Variants in RIMS2 observed in about 807,000 individuals in gnomAD.
RIMS2 encodes regulating synaptic membrane exocytosis protein 2.
RIMS2 carries 59 observed loss-of-function variants against 174.4 expected under a neutral mutation model. The ratio of observed to expected loss-of-function variants is 0.34; its 90% CI spans 0.27 to 0.42. The LOEUF (loss-of-function observed/expected upper bound fraction) is 0.42, where lower values mean the gene tolerates loss of function less well. RIMS2 is among the 10% of genes least tolerant of loss of function. RIMS2 has a pLI of 1.00. For synonymous variants in RIMS2, 606 were observed against 572.5 expected (o/e 1.06, Z -0.84); for missense variants, 1,620 against 1,666.3 (o/e 0.97, Z 0.48).
chr8:103,910,351 G>C, intron 5 of RIMS2: 1 of 1,597,138 alleles, frequency 6.3e-7, no homozygotes, highest in East Asian at 2.2e-5. Flanking sequence ...AGAAAAACTA[G>C]TGAGCAGGCA....
chr8:103,582,799 T>G (rs1281009571), intron 1 of RIMS2, among the ~76,000 whole-genome samples: 2 of 152,064 alleles, frequency 1.3e-5, no homozygotes, highest in Non-Finnish European at 2.9e-5. Flanking sequence ...ACTTCTAAGG[T>G]TTTTGACTCT....
chr8:103,631,862 T>C (rs1002500369), intron 1 of RIMS2, among the ~76,000 whole-genome samples: 3 of 152,200 alleles, frequency 2.0e-5, no homozygotes, highest in Non-Finnish European at 2.9e-5. Flanking sequence ...TTAGCTGTAT[T>C]CTTAGGTATT....
chr8:103,586,442 G>A (rs920424575), intron 1 of RIMS2, among the ~76,000 whole-genome samples: 2 of 152,054 alleles, frequency 1.3e-5, no homozygotes, highest in African/African-American at 4.8e-5. Context: ...ATAACAGGAG[G>A]AATTTGGGAA....
intron 19 of RIMS2, among the ~76,000 whole-genome samples, chr8:104,196,274 T>C (rs1250586378): frequency 2.6e-5 from 4 of 152,170 alleles, no homozygotes; most frequent in Non-Finnish European, 5.9e-5. Flanking sequence ...TTCAACTTTT[T>C]ATATCCATTC....
chr8:103,662,144 A>G (rs1443369469), intron 1 of RIMS2, among the ~76,000 whole-genome samples: 1 of 152,128 alleles, frequency 6.6e-6, no homozygotes, highest in African/African-American at 2.4e-5. Context: ...AAGTTTACAG[A>G]TTTTTCTTGG....
intron 1 of RIMS2, among the ~76,000 whole-genome samples, chr8:103,553,962 G>A (rs1193198158): frequency 1.9e-4 from 3 of 15,582 alleles, no homozygotes; most frequent in Non-Finnish European, 3.1e-4. Flanking sequence ...AAGGACCCCC[G>A]TTCAATAAAT....
intron 5 of RIMS2, chr8:103,910,475 G>T: frequency 1.3e-6 from 2 of 1,597,592 alleles, no homozygotes; most frequent in South Asian, 1.1e-5. Context: ...AGGACTCTGG[G>T]GTAGATACGT....
chr8:103,606,427 G>C (rs940697842), intron 1 of RIMS2, among the ~76,000 whole-genome samples: 3 of 151,862 alleles, frequency 2.0e-5, no homozygotes, highest in South Asian at 2.1e-4. Context: ...CCAAGTATGT[G>C]GTCAATTTTG....
At chr8:104,197,877 A>AT (rs543911108) in intron 19 of RIMS2, among the ~76,000 whole-genome samples, 1 of 152,032 alleles carries the variant, frequency 6.6e-6, no homozygotes, top group Non-Finnish European at 1.5e-5. Context: ...TAGCCATCAC[A>AT]TTTTTTGTGT....
intron 2 of RIMS2, among the ~76,000 whole-genome samples, chr8:103,743,945 G>A (rs745953155): frequency 2.0e-5 from 3 of 152,096 alleles, no homozygotes; most frequent in Non-Finnish European, 2.9e-5. Flanking sequence ...CTATTAATAC[G>A]TTGAAGTACA....
intron 3 of RIMS2, among the ~76,000 whole-genome samples, chr8:103,787,919 A>T (rs1243355836): frequency 6.6e-6 from 1 of 152,114 alleles, no homozygotes; most frequent in Admixed American, 6.5e-5. Flanking sequence ...AATCAGACGT[A>T]GATTTGGTCT....
chr8:104,185,959 G>C (rs2098965785), intron 19 of RIMS2, among the ~76,000 whole-genome samples: 1 of 151,528 alleles, frequency 6.6e-6, no homozygotes, highest in Admixed American at 6.6e-5. Flanking sequence ...ATTTACAGTA[G>C]AAAAGATATA....
chr8:103,537,536 G>A (rs914981000), intron 1 of RIMS2, among the ~76,000 whole-genome samples: 2 of 152,048 alleles, frequency 1.3e-5, no homozygotes, highest in Non-Finnish European at 2.9e-5. Context: ...TGGGTTCTAA[G>A]CCTGGTTTTT....
At chr8:104,221,527 G>A (rs1341459367) in intron 19 of RIMS2, among the ~76,000 whole-genome samples, 1 of 152,096 alleles carries the variant, frequency 6.6e-6, no homozygotes. Flanking sequence ...GTTTGAAAAA[G>A]TACTCATAGA....
chr8:103,628,290 A>G (rs949378950), intron 1 of RIMS2, among the ~76,000 whole-genome samples: 2 of 152,120 alleles, frequency 1.3e-5, no homozygotes, highest in African/African-American at 4.8e-5. Context: ...GAGAAAGAAA[A>G]TAAAGTGGAC....
chr8:103,503,781 T>C (rs1367646890), intron 1 of RIMS2, among the ~76,000 whole-genome samples: 3 of 151,974 alleles, frequency 2.0e-5, no homozygotes, highest in African/African-American at 7.2e-5. Flanking sequence ...ATTTAATATA[T>C]AGATGACAAT....
intron 17 of RIMS2, among the ~76,000 whole-genome samples, chr8:104,006,638 C>G (rs1596988236): frequency 1.0e-5 from 1 of 98,386 alleles, no homozygotes; most frequent in African/African-American, 3.5e-5. Flanking sequence ...CTCTCTCTCT[C>G]TCTCTCTCTC....
At chr8:104,213,306 G>T (rs547164302) in intron 19 of RIMS2, among the ~76,000 whole-genome samples, 1 of 152,074 alleles carries the variant, frequency 6.6e-6, no homozygotes, top group African/African-American at 2.4e-5. Context: ...GCAAGATCCC[G>T]TCTCAAAAAG....
At chr8:103,695,262 G>A (rs2097086434) in intron 1 of RIMS2, among the ~76,000 whole-genome samples, 1 of 152,128 alleles carries the variant, frequency 6.6e-6, no homozygotes, top group African/African-American at 2.4e-5. Flanking sequence ...TTTCACATAT[G>A]AGTAGTTGTT....
Sources: allele counts gnomAD v4.1 joint callset (sites outside exome capture counted in the v4.1 genomes callset), GRCh38; gene constraint gnomAD v4.1.1; transcripts MANE v1.5; gene names NCBI Gene and HGNC (gene_info 2026-07-23, HGNC 2026-07-21).